The following MYOM1 variants were observed in gnomAD, a reference collection of about 807,000 sequenced individuals.
MYOM1 encodes the protein myomesin-1.
MYOM1 carries 164 observed loss-of-function variants against 205.3 expected under a neutral mutation model. That is an observed-to-expected ratio of 0.80 (90% CI 0.70 to 0.91). The LOEUF (loss-of-function observed/expected upper bound fraction) is 0.91, where lower values mean the gene tolerates loss of function less well. Ranked by LOEUF, MYOM1 falls within the 40% of genes least tolerant of loss-of-function variation. The pLI is 0.00. For missense variants in MYOM1, 2,011 were observed against 2,127.3 expected, an observed-to-expected ratio of 0.95 and a Z score of 1.08; for synonymous variants, 772 against 789.4, an observed-to-expected ratio of 0.98 and a Z score of 0.37.
intron 34 of MYOM1, among the ~76,000 whole-genome samples, chr18:3,078,213 T>C (rs1598649219): frequency 1.3e-5 from 2 of 152,118 alleles, no homozygotes; most frequent in Middle Eastern, 6.8e-3. Context: ...AGCTAATTTT[T>C]GTATTTTTAG....
Position 3,079,193 on chromosome 18 carries a change from T to G in MYOM1, c.4634A>C (p.Asp1545Ala), listed in dbSNP as rs1327811131. The G allele has an allele frequency of 6.2e-7, 1 of 1,613,850 alleles. No homozygotes were observed. The highest frequency in any genetic ancestry group is 2.2e-5 in the East Asian group (1 of 44,882). Residue 1545 changes from aspartate (D) to alanine (A), a missense_variant, in exon 34 of 38, where the codon GAT (aspartate) becomes GCT (alanine). Coordinates refer to ENST00000356443, the MANE Select transcript of MYOM1 (RefSeq NM_003803.4). Reference sequence around the variant, plus strand: ...TATCTGTTTACCTTGTCCAGAGAGATCCACTGTCTTCTGATGTCCAGTTTT... The same window carrying G: ...TATCTGTTTACCTTGTCCAGAGAGAGCCACTGTCTTCTGATGTCCAGTTTT... ...DGKTGHQKTV[D>A]LSGQAYDEAY... is the part of the protein sequence containing the mutation.
Position 3,100,084 on chromosome 18 carries a change from T to G in MYOM1, c.3727+75A>C, listed in dbSNP as rs1260632578. On this transcript the variant is annotated intron_variant, in intron 25 of 37. Transcript: ENST00000356443. ...GTCTCTCTCTTAATCCCATCAGAGC[T>G]GTCATCTGATCTATTCCAGAAGTTG... 7.9e-6 allele frequency: 11 copies of G among 1,384,068 alleles called. No homozygotes were observed. In the Admixed American group the frequency reaches 1.0e-4, roughly 13 times the overall value. 85.7% of individuals were successfully genotyped at this position (1,384,068 alleles called of 1,614,324 possible).
rs143872153 is a variant in MYOM1, at chr18:3,169,124, C to A, written c.1175-143G>T. On this transcript the variant is annotated intron_variant, in intron 8 of 37. Transcript: ENST00000356443. ...TGATTTAACTGGGTCAAAATGAAAC[C>A]GTACATAAGAAGTATTTAGAACATA... 1.1e-5 allele frequency: 8 copies of A among 718,418 alleles called. No individual in the cohort carries two copies. The African/African-American group carries it at 1.5e-4, about 13-fold the overall frequency. The allele number at this position is 718,418 out of a possible 1,614,324, so 44.5% of individuals were successfully genotyped here.
rs531468736 is a variant in MYOM1, at chr18:3,123,206, T to G, written c.2992-3211A>C. Among the ~76,000 whole-genome samples the G allele has an allele frequency of 1.9e-3, 288 of 152,172 alleles. 1 individual carries two copies. Among genetic ancestry groups the G allele is most frequent in the African/African-American group, 6.4e-3 (265 of 41,516 alleles). ...GAAAATGAAGTAAAAGTTATAAAAT[T>G]TGGAAATGAAGTAAATTGCCACTAT... On this transcript the variant is annotated intron_variant, in intron 19 of 37. Coordinates refer to ENST00000356443, the MANE Select transcript of MYOM1 (RefSeq NM_003803.4).
At chr18:3,185,936 C>T (rs557403646) in intron 5 of MYOM1, among the ~76,000 whole-genome samples, 6 of 152,310 alleles carry the variant, frequency 3.9e-5, no homozygotes, top group South Asian at 2.1e-4. Context: ...TGGCTCACTC[C>T]GGTAGTCCCA....
At chr18:3,226,047 T>C in the MYOM1 span, among the ~76,000 whole-genome samples, 3 of 152,238 alleles carry the variant, frequency 2.0e-5, no homozygotes, top group Non-Finnish European at 4.4e-5. This position sits in a 1 kb window ranked among gnomAD's most constrained non-coding sequence, Gnocchi z 4.6. Flanking sequence ...TATTTTCACA[T>C]AATGGCATTC....
intron 19 of MYOM1, among the ~76,000 whole-genome samples, chr18:3,123,528 G>T (rs912266440): frequency 6.6e-6 from 1 of 151,842 alleles, no homozygotes; most frequent in Non-Finnish European, 1.5e-5. Context: ...GGATTAGAAG[G>T]TTCAATATTT....
intron 25 of MYOM1, among the ~76,000 whole-genome samples, chr18:3,099,729 T>G (rs2079353659): frequency 6.6e-6 from 1 of 152,264 alleles, no homozygotes; most frequent in Non-Finnish European, 1.5e-5. Context: ...TGGTAGGCAC[T>G]GTCTTTATAT....
At chr18:3,102,681 G>C (rs1236845753) in intron 22 of MYOM1, 51 bp from the exon 23 acceptor site, 5 of 1,565,524 alleles carry the variant, frequency 3.2e-6, no homozygotes, top group Non-Finnish European at 4.3e-6. Context: ...AAGCAACCAA[G>C]TAAGAATTTG....
rs376452056 is a variant in MYOM1, at chr18:3,193,593, A to G, written c.431+225T>C. On this transcript the variant is annotated intron_variant, in intron 3 of 37. Coordinates refer to ENST00000356443, the MANE Select transcript of MYOM1 (RefSeq NM_003803.4). ...AAGTCCCTTTTAACACAGTTAACAC[A>G]TCTCTCTCAGTGCAGGGTTCCCAGC... 7.2e-4 allele frequency among the ~76,000 whole-genome samples: 110 copies of G among 152,192 alleles called. 2 individuals are homozygous for G. In the Middle Eastern group the frequency reaches 0.014, roughly 19 times the overall value.
Position 3,067,311 on chromosome 18 carries a change from G to A in MYOM1, c.5009C>T (p.Ala1670Val). 6.2e-6 allele frequency: 10 copies of A among 1,611,286 alleles called. No homozygotes were observed. Among genetic ancestry groups the A allele is most frequent in the South Asian group, 1.1e-5 (1 of 90,812 alleles). ...CAGGGACTCCAAGGCGGCCATCCTC[G>A]CCTCCTCCTCTGGGATGAACACGCT... Reference protein sequence around the residue: ...TVSVFIPEEEARMAALESLKG... With the variant: ...TVSVFIPEEEVRMAALESLKG... Residue 1670 changes from alanine (A) to valine (V), a missense_variant, in exon 38 of 38, where the codon GCG becomes GTG. Transcript: ENST00000356443.
At position 3,151,647 on chromosome 18, in the gene MYOM1, A is replaced by G. The variant is rs1352423824; in HGVS notation, c.1843+47T>C. 3.9e-6 allele frequency: 6 copies of G among 1,520,150 alleles called. No individual in the cohort carries two copies. The South Asian group carries it at 5.0e-5, about 13-fold the overall frequency. The allele number at this position is 1,520,150 out of a possible 1,614,324, so 94.2% of individuals were successfully genotyped here. On this transcript the variant is annotated intron_variant, in intron 12 of 37. Transcript: ENST00000356443. ...TGCAATGAAGCTGATTCTTGCAGTC[A>G]TTTTAAAAAGGTTTAGGGAAGGTCC...
chr18:3,242,255 C>A, the MYOM1 span, among the ~76,000 whole-genome samples: 1 of 152,110 alleles, frequency 6.6e-6, no homozygotes, highest in Non-Finnish European at 1.5e-5. Context: ...TAAATTCCCA[C>A]GTGTTGTGGG....
upstream of MYOM1, among the ~76,000 whole-genome samples, chr18:3,220,356 A>G (rs1791131): frequency 0.11 from 17,298 of 152,228 alleles, 1,353 homozygotes; most frequent in African/African-American, 0.22. Flanking sequence ...TACAATGTGA[A>G]AAAAGAACTT....
rs138341835 is a variant in MYOM1 at position 3,155,516 on chromosome 18, A to G, written c.1502-428T>C. ...TGGGATTACAGGCGTGAGCCATCAC[A>G]CCCGGCCAAATCTTGCTATTTGTTG... On this transcript the variant is annotated intron_variant, in intron 10 of 37. Transcript: ENST00000356443. Among the ~76,000 whole-genome samples the G allele has an allele frequency of 8.7e-3, 1,321 of 152,236 alleles. 11 individuals are homozygous for G. Among genetic ancestry groups the G allele is most frequent in the East Asian group, 0.032 (164 of 5,180 alleles).
intron 2 of MYOM1, among the ~76,000 whole-genome samples, chr18:3,204,082 T>C (rs923864816): frequency 4.3e-4 from 65 of 151,904 alleles, no homozygotes; most frequent in African/African-American, 1.3e-3. Flanking sequence ...CTCAATAGAA[T>C]AGAAACAGAA....
At chr18:3,154,677 T>TTA (rs1422358725) in intron 11 of MYOM1, among the ~76,000 whole-genome samples, 1 of 151,054 alleles carries the variant, frequency 6.6e-6, no homozygotes, top group East Asian at 2.0e-4. Flanking sequence ...TATACCCATT[T>TTA]TATATATATA....
intron 13 of MYOM1, among the ~76,000 whole-genome samples, chr18:3,143,120 A>G (rs542998183): frequency 1.3e-5 from 2 of 152,328 alleles, no homozygotes; most frequent in African/African-American, 4.8e-5. Context: ...ACAGTGATAA[A>G]GAGAATATAT....
rs771666952 is a variant in MYOM1 at position 3,129,329 on chromosome 18, T to C, written c.2697A>G (p.Val899=). 3.7e-6 allele frequency: 6 copies of C among 1,614,022 alleles called. No individual in the cohort carries two copies. Among genetic ancestry groups the C allele is most frequent in the Middle Eastern group, 1.6e-4 (1 of 6,062 alleles). The change falls in exon 18 of 38, where the codon GTA becomes GTG. Residue 899 remains valine, a synonymous_variant. Transcript: ENST00000356443. ...TAAGCTCTTCCTGAACTGTTTCACTTACTTTACTCACTTCTGTTTGGCCCA... is the reference window on the plus strand; with the variant it reads ...TAAGCTCTTCCTGAACTGTTTCACTCACTTTACTCACTTCTGTTTGGCCCA... The part of the protein sequence containing the change: ...QNLGQTEVSK[V]SETVQEELTP...
Sources: allele counts gnomAD v4.1 joint callset (sites outside exome capture counted in the v4.1 genomes callset), GRCh38; gene constraint gnomAD v4.1.1; non-coding constraint Gnocchi (gnomAD v3.1); transcripts MANE v1.5; gene names NCBI Gene and HGNC (gene_info 2026-07-23, HGNC 2026-07-21).